FBN3: variants seen among roughly 807,000 people sequenced by gnomAD.
The protein encoded by FBN3 is fibrillin 3, also known as fibrillin-3.
Under a neutral mutation model 330.1 loss-of-function variants are expected in FBN3, and 234 were observed. The observed-to-expected ratio is 0.71, with a 90% CI of 0.64 to 0.79. FBN3 has a LOEUF of 0.79. FBN3 is among the 30% of genes least tolerant of loss of function. The pLI, the probability that FBN3 is intolerant of heterozygous loss-of-function variation, is 0.00. For missense variants in FBN3, 3,606 were observed against 3,886.9 expected (o/e 0.93, Z 1.92); for synonymous variants, 1,458 against 1,517.3 (o/e 0.96, Z 0.91).
rs200005579 is a variant in FBN3, at chr19:8,089,600, G to A, written c.6321C>T (p.Phe2107=). ...TGTAGCCAAAGGGACACTCACAGCG[G>A]AAGGATCCATCGGTGTTGACACAGA... The part of the protein sequence containing the change: ...NGVCVNTDGS[F]RCECPFGYSL... The change falls in exon 51 of 64, where the codon TTC becomes TTT. Residue 2107 remains phenylalanine (F), a synonymous_variant. Coordinates refer to ENST00000600128, the MANE Select transcript of FBN3 (RefSeq NM_032447.5). 7 of 1,614,216 alleles carry A rather than the reference G, an allele frequency of 4.3e-6. No homozygotes were observed. The Admixed American group carries it at 1.0e-4, about 23-fold the overall frequency.
chr19:8,116,881 C>G (rs576198132), intron 28 of FBN3, 82 bp from the exon 29 acceptor site: 1 of 1,516,840 alleles, frequency 6.6e-7, no homozygotes, highest in Non-Finnish European at 9.0e-7. Context: ...GGCCCCAGGA[C>G]GACCTGTAGC....
At chr19:8,141,190 G>A (rs1354230198) in intron 8 of FBN3, among the ~76,000 whole-genome samples, 27 of 84,412 alleles carry the variant, frequency 3.2e-4, no homozygotes, top group South Asian at 1.5e-3. Flanking sequence ...GCGAGACTCC[G>A]TCTCAAAAAA....
At chr19:8,120,003 T>G (rs2082804732) in intron 25 of FBN3, among the ~76,000 whole-genome samples, 1 of 151,294 alleles carries the variant, frequency 6.6e-6, no homozygotes, top group African/African-American at 2.4e-5. Flanking sequence ...AAATTTTGTG[T>G]AGAGACGGGG....
chr19:8,102,652 G>T, intron 40 of FBN3, 72 bp downstream of exon 40: 1 of 1,463,130 alleles, frequency 6.8e-7, no homozygotes. Flanking sequence ...AGAACCCTAA[G>T]GGCACTGTGT....
chr19:8,097,620 G>C (rs2144737484), intron 41 of FBN3, among the ~76,000 whole-genome samples: 1 of 152,332 alleles, frequency 6.6e-6, no homozygotes, highest in South Asian at 2.1e-4. Context: ...AGAGCAGAGA[G>C]ACTGTGTGTG....
In FBN3 at chr19:8,116,697, G is replaced by C; in HGVS notation, c.3689C>G (p.Thr1230Arg). The change falls in exon 29 of 64, where the codon ACG (threonine) becomes AGG (arginine). Residue 1230 changes from threonine (T) to arginine (R), a missense_variant. Coordinates refer to ENST00000600128, the MANE Select transcript of FBN3 (RefSeq NM_032447.5). ...RCLCYDGFMA[T>R]PDMRTCVDVD... ...ACCAACACATGTCCTCATGTCTGGC[G>C]TGGCCATGAAGCCATCATAGCACAG... is the stretch of plus-strand genomic sequence containing the variant. The C allele has an allele frequency of 2.5e-6, 4 of 1,613,874 alleles. No individual in the cohort carries two copies. Among genetic ancestry groups the C allele is most frequent in the Non-Finnish European group, 3.4e-6 (4 of 1,179,856 alleles).
chr19:8,115,753 G>A, intron 29 of FBN3, 113 bp from the exon 30 acceptor site: 2 of 1,249,114 alleles, frequency 1.6e-6, no homozygotes, highest in East Asian at 2.4e-5. Flanking sequence ...CGCCGCACAG[G>A]TCCTCTCTGC....
At chr19:8,144,459 C>T (rs2083487822) in intron 6 of FBN3, among the ~76,000 whole-genome samples, 1 of 151,956 alleles carries the variant, frequency 6.6e-6, no homozygotes, top group African/African-American at 2.4e-5. Flanking sequence ...GTCCAGTCCA[C>T]CCTACCAGAT....
At position 8,121,395 on chromosome 19, in the gene FBN3, A is replaced by G; in HGVS notation, c.3083-9T>C. 1 of 1,563,362 alleles carries G rather than the reference A, an allele frequency of 6.4e-7. No individual in the cohort carries two copies. Among genetic ancestry groups the G allele is most frequent in the Non-Finnish European group, 8.6e-7 (1 of 1,160,752 alleles). ...GCGACACTCGTCGATATCTGTGGGG[A>G]GAGGGGGCAGAGGCCGGAGGCGCCA... On this transcript the variant is annotated splice_polypyrimidine_tract_variant and intron_variant, in intron 24 of 63. Transcript: ENST00000600128. This position sits in a 1 kb window ranked among gnomAD's most constrained non-coding sequence, Gnocchi z 4.5.
chr19:8,094,356 A>G (rs2082163594), intron 47 of FBN3, 90 bp downstream of exon 47: 2 of 1,409,344 alleles, frequency 1.4e-6, no homozygotes, highest in East Asian at 2.4e-5. Flanking sequence ...CTCCACCTTC[A>G]TCACAACCCT....
intron 22 of FBN3, 61 bp from the exon 23 acceptor site, chr19:8,124,069 G>T: frequency 7.1e-7 from 1 of 1,409,968 alleles, no homozygotes. Context: ...TGCGGGACAG[G>T]CGTGCCGCTC....
intron 8 of FBN3, among the ~76,000 whole-genome samples, chr19:8,141,389 A>G (rs1452261476): frequency 6.8e-6 from 1 of 146,816 alleles, no homozygotes; most frequent in Non-Finnish European, 1.5e-5. Flanking sequence ...AAAAAAAGAG[A>G]GAGACAGACA....
At position 8,082,378 on chromosome 19, in the gene FBN3, CTCTTCT is replaced by C. The variant is rs1397663978; in HGVS notation, c.7213+863_7213+868del. 3.4e-3 allele frequency among the ~76,000 whole-genome samples: 461 copies of C among 136,510 alleles called. 2 individuals are homozygous for C. The highest frequency in any genetic ancestry group is 0.013 in the African/African-American group (448 of 33,534). 89.6% of individuals were successfully genotyped at this position (136,510 alleles called of 152,430 possible). On this transcript the variant is annotated intron_variant, in intron 57 of 63. Coordinates refer to ENST00000600128, the MANE Select transcript of FBN3 (RefSeq NM_032447.5). ...CTCTCTCTTTCTTTTTTCTTTCTTT[CTCTTCT>C]TTCTTCTCTTTTTTCTCTTTCTCCC...
intron 53 of FBN3, among the ~76,000 whole-genome samples, chr19:8,087,598 A>ATTTTTT (rs35631767): frequency 9.3e-5 from 7 of 75,460 alleles, no homozygotes; most frequent in Non-Finnish European, 1.2e-4. Context: ...GCATTGCAGG[A>ATTTTTT]TTTTTTTTTT....
intron 47 of FBN3, among the ~76,000 whole-genome samples, chr19:8,093,034 C>T (rs1162051014): frequency 6.6e-6 from 1 of 151,610 alleles, no homozygotes; most frequent in Non-Finnish European, 1.5e-5. Flanking sequence ...CCAAAAACCA[C>T]CTGTTCCCCC....
At chr19:8,108,126 G>A in intron 37 of FBN3, 44 bp downstream of exon 37, 1 of 1,569,254 alleles carries the variant, frequency 6.4e-7, no homozygotes, top group Non-Finnish European at 8.7e-7. Flanking sequence ...AGAAAAGTCA[G>A]TCTCTAGGCA....
intron 54 of FBN3, among the ~76,000 whole-genome samples, 187 bp downstream of exon 54, chr19:8,086,890 C>T (rs1469015829): frequency 1.3e-5 from 2 of 152,088 alleles, no homozygotes; most frequent in Admixed American, 1.3e-4. Context: ...TGCCTGTCCC[C>T]CCCCACTGCC....
chr19:8,148,860 C>A, intron 1 of FBN3: 1 of 152,452 alleles, frequency 6.6e-6, no homozygotes, highest in Non-Finnish European at 1.5e-5. Flanking sequence ...AGTCCGCACT[C>A]TGAGGCTCCG....
intron 25 of FBN3, 81 bp from the exon 26 acceptor site, chr19:8,119,103 C>G (rs1194574227): frequency 4.0e-5 from 58 of 1,459,932 alleles, no homozygotes; most frequent in Middle Eastern, 1.9e-4. Flanking sequence ...GCTGGCTTCT[C>G]TCCGCCACCT....
Sources: allele counts gnomAD v4.1 joint callset (sites outside exome capture counted in the v4.1 genomes callset), GRCh38; gene constraint gnomAD v4.1.1; non-coding constraint Gnocchi (gnomAD v3.1); transcripts MANE v1.5; gene names NCBI Gene and HGNC (gene_info 2026-07-23, HGNC 2026-07-21).